NTRK2: variants seen among roughly 807,000 people sequenced by gnomAD.
NTRK2 encodes neurotrophic receptor tyrosine kinase 2.
A neutral mutation model predicts 94.5 loss-of-function variants in NTRK2; 13 were observed. The ratio of observed to expected loss-of-function variants is 0.14; its 90% CI spans 0.09 to 0.22. The LOEUF (loss-of-function observed/expected upper bound fraction) is 0.22. Among genes scored for constraint, NTRK2 ranks in the 10% least tolerant of loss-of-function variants. The pLI is 1.00. For synonymous variants in NTRK2, 372 were observed against 407.4 expected, an observed-to-expected ratio of 0.91 and a Z score of 1.05; for missense variants, 639 against 1,071.2, an observed-to-expected ratio of 0.60 and a Z score of 5.63.
chr9:84,689,696 T>A (rs1204449937), intron 2 of NTRK2, among the ~76,000 whole-genome samples: 2 of 152,190 alleles, frequency 1.3e-5, no homozygotes, highest in Non-Finnish European at 2.9e-5. Context: ...TACATCCACG[T>A]GTTGTGTAAC....
At chr9:84,837,400 C>T (rs2073940806) in intron 12 of NTRK2, among the ~76,000 whole-genome samples, 2 of 152,140 alleles carry the variant, frequency 1.3e-5, no homozygotes, top group South Asian at 4.1e-4. Context: ...TAAACTTACA[C>T]TAATGGTCTG....
intron 12 of NTRK2, among the ~76,000 whole-genome samples, chr9:84,785,933 G>A (rs563040830): frequency 1.3e-5 from 2 of 152,220 alleles, no homozygotes; most frequent in East Asian, 3.9e-4. Flanking sequence ...GCACACAAGC[G>A]CCATGCTATC....
In NTRK2 at chr9:84,741,848, C is replaced by T. The variant is rs551912005; in HGVS notation, c.1160-44C>T. ...GACATAGGTTAGTAATTTTTTGACT[C>T]CAAAATGCATACTTACAAATCTTTG... On this transcript the variant is annotated intron_variant, in intron 9 of 18. Coordinates refer to ENST00000277120, the MANE Select transcript of NTRK2 (RefSeq NM_006180.6). 2.3e-5 allele frequency: 36 copies of T among 1,586,886 alleles called. No individual in the cohort carries two copies. In the South Asian group the frequency reaches 3.8e-4, roughly 17 times the overall value.
At chr9:84,764,415 G>C (rs548103578) in intron 12 of NTRK2, among the ~76,000 whole-genome samples, 8 of 152,100 alleles carry the variant, frequency 5.3e-5, no homozygotes, top group African/African-American at 1.9e-4. Flanking sequence ...TTTTAAAGGA[G>C]AGCTTTCTGG....
chr9:84,782,037 A>AACACAC (rs58851217), intron 12 of NTRK2, among the ~76,000 whole-genome samples: 3,030 of 149,616 alleles, frequency 0.02, 87 homozygotes, highest in African/African-American at 0.06. Context: ...CCTCCAAGAA[A>AACACAC]ACACACACAC....
intron 17 of NTRK2, among the ~76,000 whole-genome samples, chr9:84,983,960 C>T (rs1180963181): frequency 1.3e-5 from 2 of 152,180 alleles, no homozygotes; most frequent in Non-Finnish European, 2.9e-5. Flanking sequence ...ACATACATTT[C>T]AGTTTCAGTT....
intron 11 of NTRK2, among the ~76,000 whole-genome samples, chr9:84,751,464 C>T (rs562668778): frequency 6.6e-6 from 1 of 152,220 alleles, no homozygotes; most frequent in East Asian, 1.9e-4. Flanking sequence ...ACCTGTAGTC[C>T]TAGCTACTCA....
intron 2 of NTRK2, among the ~76,000 whole-genome samples, chr9:84,685,873 T>C (rs563207080): frequency 2.8e-4 from 43 of 152,350 alleles, no homozygotes; most frequent in Non-Finnish European, 4.3e-4. Context: ...TGTGTGCCTG[T>C]GCACCTGTCT....
chr9:84,903,853 G>A (rs574682176), intron 14 of NTRK2, among the ~76,000 whole-genome samples: 14 of 152,124 alleles, frequency 9.2e-5, no homozygotes, highest in African/African-American at 2.9e-4. Flanking sequence ...TCCCTCCCTC[G>A]AGTATTTTTC....
intron 17 of NTRK2, among the ~76,000 whole-genome samples, chr9:84,986,020 C>T (rs1336745921): frequency 6.6e-6 from 1 of 152,166 alleles, no homozygotes; most frequent in Non-Finnish European, 1.5e-5. Context: ...CACATAGATG[C>T]CCTCTGTGTT....
Position 85,011,047 on chromosome 9 carries a change from G to T in NTRK2, c.2173-9159G>T, listed in dbSNP as rs190437146. Among the ~76,000 whole-genome samples, 31 of 152,240 alleles carry T rather than the reference G, an allele frequency of 2.0e-4. No homozygotes were observed. In the East Asian group the frequency reaches 5.6e-3, roughly 28 times the overall value. On this transcript the variant is annotated intron_variant, in intron 17 of 18. Transcript: ENST00000277120. ...CATTCTCCCTTAGCCAACTCCCAGGGAACCTGCAAAGGGGTGTGTAGGAGA... is the reference window on the plus strand; with the variant it reads ...CATTCTCCCTTAGCCAACTCCCAGGTAACCTGCAAAGGGGTGTGTAGGAGA...
At chr9:84,756,790 T>C (rs554077749) in intron 12 of NTRK2, among the ~76,000 whole-genome samples, 1 of 152,136 alleles carries the variant, frequency 6.6e-6, no homozygotes, top group East Asian at 1.9e-4. Flanking sequence ...GTGTTGGAGG[T>C]TTCCAACTAG....
chr9:84,877,053 G>T (rs1791787616), intron 14 of NTRK2: 1 of 1,063,480 alleles, frequency 9.4e-7, no homozygotes, highest in South Asian at 4.6e-5. Context: ...GAGGGAGACA[G>T]TGGCCAAGTA....
intron 14 of NTRK2, among the ~76,000 whole-genome samples, chr9:84,902,490 C>A (rs1246440041): frequency 6.6e-6 from 1 of 152,078 alleles, no homozygotes; most frequent in Non-Finnish European, 1.5e-5. Flanking sequence ...TCGTTCTCTG[C>A]TTTTGGTACT....
intron 12 of NTRK2, among the ~76,000 whole-genome samples, chr9:84,853,533 T>C (rs1338382214): frequency 1.3e-5 from 2 of 152,270 alleles, no homozygotes; most frequent in Non-Finnish European, 2.9e-5. Flanking sequence ...GTTGTATGTA[T>C]AATTTGCATA....
At chr9:84,697,805 G>A (rs1440161856) in intron 2 of NTRK2, among the ~76,000 whole-genome samples, 1 of 152,176 alleles carries the variant, frequency 6.6e-6, no homozygotes, top group Non-Finnish European at 1.5e-5. Context: ...GGGTGGTCCA[G>A]GGAACCAAGA....
chr9:84,731,943 C>T (rs76653363), intron 9 of NTRK2, among the ~76,000 whole-genome samples: 3,144 of 152,214 alleles, frequency 0.021, 118 homozygotes, highest in African/African-American at 0.071. Flanking sequence ...ACCAAGCCAG[C>T]GCCCTTCCCC....
chr9:84,870,848 T>A (rs2075837934), intron 14 of NTRK2, among the ~76,000 whole-genome samples: 1 of 152,178 alleles, frequency 6.6e-6, no homozygotes, highest in Non-Finnish European at 1.5e-5. Flanking sequence ...CCTATTTACT[T>A]CTCTTTCCTA....
At chr9:84,882,697 AGTGTGTGTGT>A (rs71847053) in intron 14 of NTRK2, among the ~76,000 whole-genome samples, 5 of 149,706 alleles carry the variant, frequency 3.3e-5, no homozygotes, top group Admixed American at 6.6e-5. Flanking sequence ...CTTTTGTTCT[AGTGTGTGTGT>A]GTGTGTGTGT....
Sources: gnomAD v4.1 joint callset for allele counts (sites outside exome capture counted in the v4.1 genomes callset) on GRCh38, gnomAD v4.1.1 for gene constraint, MANE v1.5 for transcripts, NCBI Gene and HGNC (gene_info 2026-07-23, HGNC 2026-07-21) for gene names.